Variants in GPC5 observed in about 807,000 individuals in gnomAD.
GPC5 encodes the protein glypican 5, also known as glypican-5.
A neutral mutation model predicts 53.9 loss-of-function variants in GPC5; 47 were observed. The ratio of observed to expected loss-of-function variants is 0.87; its 90% CI spans 0.69 to 1.11. The LOEUF (loss-of-function observed/expected upper bound fraction) is 1.11. Among genes scored for constraint, GPC5 ranks in the 50% most tolerant of loss-of-function variants. The pLI is 0.00. For missense variants in GPC5, 748 were observed against 713.1 expected (o/e 1.05, Z -0.56); for synonymous variants, 286 against 263.3 (o/e 1.09, Z -0.84).
intron 5 of GPC5, among the ~76,000 whole-genome samples, chr13:91,864,093 T>C (rs1015089677): frequency 2.0e-5 from 3 of 152,184 alleles, no homozygotes; most frequent in African/African-American, 7.2e-5. Context: ...TCTTATGAAG[T>C]TGATGGTTGG....
intron 7 of GPC5, among the ~76,000 whole-genome samples, chr13:92,849,487 T>C (rs1878719282): frequency 6.6e-6 from 1 of 152,238 alleles, no homozygotes; most frequent in African/African-American, 2.4e-5. Flanking sequence ...TTTTAAGCTC[T>C]AAGGATTAGC....
intron 7 of GPC5, among the ~76,000 whole-genome samples, chr13:92,813,206 C>T (rs945519702): frequency 4.0e-5 from 6 of 151,784 alleles, no homozygotes; most frequent in African/African-American, 9.7e-5. Flanking sequence ...ATGTCAGAAA[C>T]GAGTCTCCTG....
chr13:92,407,623 A>ATATGTAGCTATACATATGGTATTCT, intron 7 of GPC5, among the ~76,000 whole-genome samples: 2 of 152,312 alleles, frequency 1.3e-5, no homozygotes, highest in African/African-American at 2.4e-5. Flanking sequence ...ATATGTAGCT[A>ATATGTAGCTATACATATGGTATTCT]TATGTAGCTA....
intron 7 of GPC5, among the ~76,000 whole-genome samples, chr13:92,677,146 T>A: frequency 6.6e-6 from 1 of 152,298 alleles, no homozygotes; most frequent in South Asian, 2.1e-4. Flanking sequence ...GTTATTCTGA[T>A]TATTCTAATT....
At chr13:92,722,972 A>G (rs1888544491) in intron 7 of GPC5, among the ~76,000 whole-genome samples, 1 of 151,824 alleles carries the variant, frequency 6.6e-6, no homozygotes, top group South Asian at 2.1e-4. Context: ...ATTAAGCCAA[A>G]AAATTATGTA....
chr13:91,679,672 T>C (rs547378780), intron 2 of GPC5, among the ~76,000 whole-genome samples: 1 of 152,342 alleles, frequency 6.6e-6, no homozygotes, highest in African/African-American at 2.4e-5. Context: ...GTACTTTTAA[T>C]AGTAATCACT....
At position 91,944,343 on chromosome 13, in the gene GPC5, G is replaced by T. The variant is rs369160426; in HGVS notation, c.1401+36286G>T. ...GATCTCCTGACCTCGCGATCCGCCCGCTTCAGCCTCCCAAAGTTCTGGGAT... is the reference window on the plus strand; with the variant it reads ...GATCTCCTGACCTCGCGATCCGCCCTCTTCAGCCTCCCAAAGTTCTGGGAT... On this transcript the variant is annotated intron_variant, in intron 6 of 7. Coordinates refer to ENST00000377067, the MANE Select transcript of GPC5 (RefSeq NM_004466.6). 2.0e-5 allele frequency among the ~76,000 whole-genome samples: 3 copies of T among 152,160 alleles called. No individual in the cohort carries two copies. In the East Asian group the frequency reaches 5.8e-4, roughly 30 times the overall value.
At chr13:91,929,898 C>T (rs2039805697) in intron 6 of GPC5, among the ~76,000 whole-genome samples, 1 of 151,884 alleles carries the variant, frequency 6.6e-6, no homozygotes, top group South Asian at 2.1e-4. Flanking sequence ...CACGGTTTTC[C>T]AAATGCACAT....
chr13:92,234,212 T>C lies in GPC5; in HGVS notation c.1561+89223T>C, dbSNP rs572293937. ...CTGGGACAAATGGTGTTTCTAGTTC[T>C]AGATCCCTGAGGAATCAGCACACTG... is the stretch of plus-strand genomic sequence containing the variant. On this transcript the variant is annotated intron_variant, in intron 7 of 7. Coordinates refer to ENST00000377067, the MANE Select transcript of GPC5 (RefSeq NM_004466.6). 3.3e-5 allele frequency among the ~76,000 whole-genome samples: 5 copies of C among 152,326 alleles called. No homozygotes were observed. The South Asian group carries it at 6.2e-4, about 19-fold the overall frequency.
intron 7 of GPC5, among the ~76,000 whole-genome samples, chr13:92,520,985 A>AACAG (rs1472573057): frequency 3.3e-5 from 5 of 151,100 alleles, no homozygotes; most frequent in East Asian, 1.9e-4. Context: ...ATACACCAAT[A>AACAG]ACAAACAGAG....
At chr13:91,512,289 T>G (rs565215337) in intron 2 of GPC5, among the ~76,000 whole-genome samples, 24 of 152,352 alleles carry the variant, frequency 1.6e-4, no homozygotes, top group African/African-American at 5.8e-4. Flanking sequence ...TTTTACTTCC[T>G]CTGTCCTTCC....
intron 7 of GPC5, among the ~76,000 whole-genome samples, chr13:92,755,519 C>CA (rs1438153176): frequency 1.3e-5 from 2 of 151,700 alleles, no homozygotes; most frequent in Non-Finnish European, 2.9e-5. Context: ...AAAAACCCTT[C>CA]AAAAAATCAA....
intron 7 of GPC5, among the ~76,000 whole-genome samples, chr13:92,150,913 C>A (rs184132775): frequency 6.2e-4 from 94 of 151,024 alleles, no homozygotes; most frequent in Non-Finnish European, 1.2e-3. Flanking sequence ...AAAATTCAAG[C>A]AAATATTATC....
intron 7 of GPC5, among the ~76,000 whole-genome samples, chr13:92,755,932 A>C (rs1256878016): frequency 6.6e-6 from 1 of 150,536 alleles, no homozygotes; most frequent in Non-Finnish European, 1.5e-5. Context: ...TCCTTCTGAA[A>C]CTATTCCAAT....
intron 7 of GPC5, among the ~76,000 whole-genome samples, chr13:92,521,955 C>A (rs9523706): frequency 0.57 from 86,340 of 151,926 alleles, 25,278 homozygotes; most frequent in East Asian, 0.75. Flanking sequence ...ACCCCATCAA[C>A]AAGTGGGTGA....
intron 2 of GPC5, among the ~76,000 whole-genome samples, chr13:91,682,211 A>G (rs528205146): frequency 6.6e-6 from 1 of 152,346 alleles, no homozygotes; most frequent in African/African-American, 2.4e-5. Flanking sequence ...TTATATACAC[A>G]GTATTATTAT....
intron 7 of GPC5, among the ~76,000 whole-genome samples, chr13:92,807,923 A>G (rs1286685692): frequency 6.6e-6 from 1 of 152,132 alleles, no homozygotes; most frequent in Non-Finnish European, 1.5e-5. Flanking sequence ...CAATTGATTT[A>G]AAATGTGAAA....
intron 4 of GPC5, among the ~76,000 whole-genome samples, chr13:91,731,563 G>A (rs2036698339): frequency 1.3e-5 from 2 of 151,904 alleles, no homozygotes; most frequent in Admixed American, 6.6e-5. Flanking sequence ...AAGTGCAGAA[G>A]GTGTAGGTTT....
chr13:92,559,148 C>T (rs570798662), intron 7 of GPC5, among the ~76,000 whole-genome samples: 7 of 151,154 alleles, frequency 4.6e-5, no homozygotes, highest in South Asian at 2.1e-4. Flanking sequence ...CAGCAACGGA[C>T]GAAAATGAAA....
Sources: gnomAD v4.1 joint callset for allele counts (sites outside exome capture counted in the v4.1 genomes callset) on GRCh38, gnomAD v4.1.1 for gene constraint, MANE v1.5 for transcripts, NCBI Gene and HGNC (gene_info 2026-07-23, HGNC 2026-07-21) for gene names.